Variants in NPSR1 observed in about 807,000 individuals in gnomAD.
The protein encoded by NPSR1 is neuropeptide S receptor 1, also known as neuropeptide S receptor.
In NPSR1, 48 loss-of-function variants were observed where a neutral mutation model predicts 46.9. The observed-to-expected ratio is 1.02, with a 90% confidence interval of 0.81 to 1.30. The LOEUF (loss-of-function observed/expected upper bound fraction) is 1.30, where lower values mean the gene tolerates loss of function less well. Among genes scored for constraint, NPSR1 ranks in the 50% most tolerant of loss-of-function variants. NPSR1 has a pLI of 0.00. For synonymous variants in NPSR1, 176 were observed against 168.1 expected (o/e 1.05, Z -0.36); for missense variants, 450 against 449.5 (o/e 1.00, Z -0.01).
chr7:34,863,931 T>C (rs1791247234), intron 8 of NPSR1, among the ~76,000 whole-genome samples: 1 of 151,784 alleles, frequency 6.6e-6, no homozygotes. Flanking sequence ...CACACATTTG[T>C]TTATTGCAGC....
chr7:34,751,946 G>T lies in NPSR1; in HGVS notation c.281-26516G>T. ...ACTTGTGTTCCTGAGGCAACTGGAA[G>T]TGGGGGTGACGTTTGCCCAGAGAAG... On this transcript the variant is annotated intron_variant, in intron 2 of 8. Transcript: ENST00000360581. 6 of 1,202,142 alleles carry T rather than the reference G, an allele frequency of 5.0e-6. No individual in the cohort carries two copies. In the South Asian group the frequency reaches 6.1e-5, roughly 12 times the overall value. The allele number at this position is 1,202,142 out of a possible 1,614,324, so 74.5% of individuals were successfully genotyped here. A position where few individuals can be genotyped will look rare whatever the true frequency, so the allele number is the denominator to read the frequency against.
At chr7:34,685,397 A>G (rs1362193) in intron 2 of NPSR1, among the ~76,000 whole-genome samples, 19,265 of 152,176 alleles carry the variant, frequency 0.13, 1,302 homozygotes, top group Middle Eastern at 0.17. Flanking sequence ...AAAGAAAGTG[A>G]GAAAATGAGA....
chr7:34,791,157 A>ATTATATATAATATGTTATATG (rs1787838594), intron 3 of NPSR1, among the ~76,000 whole-genome samples: 1 of 122,416 alleles, frequency 8.2e-6, no homozygotes, highest in Non-Finnish European at 1.6e-5. Context: ...TATGTTATAT[A>ATTATATATAATATGTTATATG]TTATATATGT....
At chr7:34,754,640 T>C (rs866490183) in intron 2 of NPSR1, among the ~76,000 whole-genome samples, 1 of 152,180 alleles carries the variant, frequency 6.6e-6, no homozygotes, top group South Asian at 2.1e-4. Context: ...TATTAAAATA[T>C]TCACATAACA....
In NPSR1 at chr7:34,705,494, G is replaced by C. The variant is rs76432724; in HGVS notation, c.280+20810G>C. 9.8e-4 allele frequency among the ~76,000 whole-genome samples: 146 copies of C among 149,322 alleles called. 1 individual carries two copies. In the East Asian group the frequency reaches 0.025, roughly 26 times the overall value. On this transcript the variant is annotated intron_variant, in intron 2 of 8. Coordinates refer to ENST00000360581, the MANE Select transcript of NPSR1 (RefSeq NM_207172.2). ...CTTTCACACTTTCTCTCATCTTTTA[G>C]TATTTTTGATCAATGTTTGTTTTAT...
At chr7:34,775,294 ACT>A (rs1786901602) in intron 2 of NPSR1, among the ~76,000 whole-genome samples, 1 of 151,958 alleles carries the variant, frequency 6.6e-6, no homozygotes, top group South Asian at 2.1e-4. Context: ...GTGAATACAG[ACT>A]CTGATTTTTT....
chr7:34,760,922 G>A (rs1481154861), intron 2 of NPSR1, among the ~76,000 whole-genome samples: 1 of 152,126 alleles, frequency 6.6e-6, no homozygotes, highest in African/African-American at 2.4e-5. Context: ...TAGGCATGTA[G>A]GCTACTTGAC....
intron 4 of NPSR1, among the ~76,000 whole-genome samples, chr7:34,822,368 A>T (rs1789601066): frequency 1.3e-5 from 2 of 152,174 alleles, no homozygotes; most frequent in South Asian, 4.2e-4. Flanking sequence ...AGGGAGTCAA[A>T]TGTAGCTGTG....
Position 34,792,691 on chromosome 7 carries a change from A to G in NPSR1, c.384+14126A>G, listed in dbSNP as rs1311759607. Among the ~76,000 whole-genome samples, 25 of 95,652 alleles carry G rather than the reference A, an allele frequency of 2.6e-4. 1 individual carries two copies. The highest frequency in any genetic ancestry group is 3.6e-4 in the Non-Finnish European group (16 of 43,932). The allele number at this position is 95,652 out of a possible 152,430, so 62.8% of individuals were successfully genotyped here. Reference sequence around the variant, plus strand: ...TATATATATGTATATATATATATGTATATATATACGTATATATATATATTT... The same window carrying G: ...TATATATATGTATATATATATATGTGTATATATACGTATATATATATATTT... On this transcript the variant is annotated intron_variant, in intron 3 of 8. Coordinates refer to ENST00000360581, the MANE Select transcript of NPSR1 (RefSeq NM_207172.2).
At chr7:34,792,687 A>G (rs778810971) in intron 3 of NPSR1, among the ~76,000 whole-genome samples, 1 of 85,634 alleles carries the variant, frequency 1.2e-5, no homozygotes, top group South Asian at 3.3e-4. Context: ...ATATATATAT[A>G]TGTATATATA....
intron 1 of NPSR1, among the ~76,000 whole-genome samples, chr7:34,659,186 ATCT>A (rs1424100982): frequency 6.6e-6 from 1 of 152,194 alleles, no homozygotes; most frequent in African/African-American, 2.4e-5. Context: ...CTGAGGAAGG[ATCT>A]TCATTAAGCT....
At chr7:34,761,907 T>A (rs1786192249) in intron 2 of NPSR1, among the ~76,000 whole-genome samples, 1 of 152,206 alleles carries the variant, frequency 6.6e-6, no homozygotes, top group Non-Finnish European at 1.5e-5. Flanking sequence ...CTCAATGTCT[T>A]GTTTTAAGAA....
intron 2 of NPSR1, among the ~76,000 whole-genome samples, chr7:34,714,441 T>C (rs1454446150): frequency 2.0e-5 from 3 of 152,190 alleles, no homozygotes; most frequent in Admixed American, 6.5e-5. Context: ...GTTGTGGTTA[T>C]AGAAATCCCA....
intron 3 of NPSR1, among the ~76,000 whole-genome samples, chr7:34,809,235 G>A (rs1020648436): frequency 2.0e-5 from 3 of 151,860 alleles, no homozygotes; most frequent in South Asian, 2.1e-4. Context: ...GTAGACGATC[G>A]ATTTTTTTTT....
intron 2 of NPSR1, among the ~76,000 whole-genome samples, chr7:34,718,668 C>G (rs1783697772): frequency 6.6e-6 from 1 of 152,190 alleles, no homozygotes; most frequent in African/African-American, 2.4e-5. Context: ...TAATTATGGA[C>G]TAGCAAAGGA....
At chr7:34,797,225 T>C (rs1447873534) in intron 3 of NPSR1, among the ~76,000 whole-genome samples, 2 of 152,164 alleles carry the variant, frequency 1.3e-5, no homozygotes, top group African/African-American at 4.8e-5. Flanking sequence ...CAAAGGGCAG[T>C]AGAACTACTC....
intron 4 of NPSR1, among the ~76,000 whole-genome samples, chr7:34,814,728 C>A (rs1310469715): frequency 6.6e-6 from 1 of 152,306 alleles, no homozygotes; most frequent in East Asian, 1.9e-4. Flanking sequence ...TGCTGTTCTG[C>A]AATATTTGCT....
chr7:34,802,186 G>T (rs1283227909), intron 3 of NPSR1, among the ~76,000 whole-genome samples: 1 of 150,332 alleles, frequency 6.7e-6, no homozygotes, highest in African/African-American at 2.5e-5. Context: ...AGCTACAAAT[G>T]ACTTTCTTCA....
chr7:34,770,811 G>T, intron 2 of NPSR1, among the ~76,000 whole-genome samples: 1 of 152,152 alleles, frequency 6.6e-6, no homozygotes, highest in East Asian at 1.9e-4. Context: ...TCTGGAGGCT[G>T]GGAAGTCTAA....
Sources: gnomAD v4.1 joint callset for allele counts (sites outside exome capture counted in the v4.1 genomes callset) on GRCh38, gnomAD v4.1.1 for gene constraint, MANE v1.5 for transcripts, NCBI Gene and HGNC (gene_info 2026-07-23, HGNC 2026-07-21) for gene names.